FAM83B: variants seen among roughly 807,000 people sequenced by gnomAD.
FAM83B encodes the protein protein FAM83B.
Under a neutral mutation model 38.8 loss-of-function variants are expected in FAM83B, and 26 were observed. That is an observed-to-expected ratio of 0.67 (90% confidence interval 0.49 to 0.93). The LOEUF is 0.93. Among genes scored for constraint, FAM83B ranks in the 40% least tolerant of loss-of-function variants. The pLI, the probability that FAM83B is intolerant of heterozygous loss-of-function variation, is 0.00. For missense variants in FAM83B, 1,237 were observed against 1,197.3 expected, an observed-to-expected ratio of 1.03 and a Z score of -0.49; for synonymous variants, 419 against 423.1, an observed-to-expected ratio of 0.99 and a Z score of 0.12.
chr6:54,850,968 A>G (rs1242025405), intron 1 of FAM83B, among the ~76,000 whole-genome samples: 1 of 142,456 alleles, frequency 7.0e-6, no homozygotes, highest in Admixed American at 7.4e-5. Context: ...CAGTGAGCCC[A>G]GGTCGCGCCA....
intron 1 of FAM83B, among the ~76,000 whole-genome samples, chr6:54,849,794 G>A (rs1275146838): frequency 6.6e-6 from 1 of 151,798 alleles, no homozygotes; most frequent in African/African-American, 2.4e-5. Context: ...TTTCAGCTGT[G>A]TCTTAAATAA....
At chr6:54,913,564 C>T (rs1772964344) in intron 2 of FAM83B, among the ~76,000 whole-genome samples, 1 of 151,494 alleles carries the variant, frequency 6.6e-6, no homozygotes, top group Middle Eastern at 3.4e-3. Flanking sequence ...AAAGGAAATA[C>T]TGACAGGTGA....
In FAM83B at chr6:54,903,703, G is replaced by GT. The variant is rs1328877852; in HGVS notation, c.445-22661dup. ...TCGTCTTCATAAAATCATCTCAAGT[G>GT]TTTTTTTAACTCATTCTTTATTTTT... On this transcript the variant is annotated intron_variant, in intron 2 of 4. Transcript: ENST00000306858. 1.5e-4 allele frequency among the ~76,000 whole-genome samples: 22 copies of GT among 149,626 alleles called. No homozygotes were observed. In the East Asian group the frequency reaches 3.3e-3, roughly 22 times the overall value.
intron 2 of FAM83B, among the ~76,000 whole-genome samples, chr6:54,924,391 T>C (rs537461501): frequency 1.3e-5 from 2 of 151,670 alleles, no homozygotes; most frequent in South Asian, 2.1e-4. Flanking sequence ...CTCTGCTTCC[T>C]ATTGTAGCCA....
At chr6:54,862,242 C>T (rs1197536092) in intron 1 of FAM83B, among the ~76,000 whole-genome samples, 2 of 152,140 alleles carry the variant, frequency 1.3e-5, no homozygotes, top group Non-Finnish European at 2.9e-5. Flanking sequence ...CAGAAGGCCA[C>T]GGGTTTTGAG....
At chr6:54,921,872 G>A (rs1010455117) in intron 2 of FAM83B, among the ~76,000 whole-genome samples, 1 of 151,736 alleles carries the variant, frequency 6.6e-6, no homozygotes, top group African/African-American at 2.4e-5. Flanking sequence ...TTCTTTCCCA[G>A]GAATGTAACC....
At chr6:54,897,227 T>TAA (rs368282962) in intron 2 of FAM83B, among the ~76,000 whole-genome samples, 3 of 144,072 alleles carry the variant, frequency 2.1e-5, no homozygotes, top group Admixed American at 6.9e-5. Flanking sequence ...TGTTGTGATC[T>TAA]AAAAAAAAAA....
intron 2 of FAM83B, among the ~76,000 whole-genome samples, chr6:54,875,418 T>C (rs62412658): frequency 0.021 from 3,184 of 152,274 alleles, 45 homozygotes; most frequent in Middle Eastern, 0.061. Context: ...CTCTCTACCC[T>C]ATCCCTGTCC....
Position 54,927,639 on chromosome 6 carries a change from T to C in FAM83B, c.734+7T>C, listed in dbSNP as rs369120644. On this transcript the variant is annotated splice_region_variant and intron_variant, in intron 4 of 4. Transcript: ENST00000306858. ...TGATGTACGGTTCTTACAGGTAAGATCATTGTGTTTAACTTCAGTGTTATC... is the reference window on the plus strand; with the variant it reads ...TGATGTACGGTTCTTACAGGTAAGACCATTGTGTTTAACTTCAGTGTTATC... 6.4e-7 allele frequency: 1 copy of C among 1,572,682 alleles called. No homozygotes were observed. The highest frequency in any genetic ancestry group is 1.7e-5 in the Admixed American group (1 of 57,820).
rs141100648 is a variant in FAM83B at position 54,940,318 on chromosome 6, G to A, written c.1347G>A (p.Ala449=). ...TPAQSFANRL[A]QRKTTNLADR... ...CCCAGAGTTTTGCCAATCGGCTTGC[G>A]CAGAGAAAAACAACAAATCTTGCAG... The change falls in exon 5 of 5, where the codon GCG becomes GCA. Residue 449 remains alanine, a synonymous_variant. Transcript: ENST00000306858. 9.5e-5 allele frequency: 153 copies of A among 1,613,892 alleles called. No individual in the cohort carries two copies. Among genetic ancestry groups the A allele is most frequent in the Middle Eastern group, 1.6e-4 (1 of 6,084 alleles).
chr6:54,859,045 C>T (rs1049062715), intron 1 of FAM83B, among the ~76,000 whole-genome samples: 1 of 151,914 alleles, frequency 6.6e-6, no homozygotes, highest in Middle Eastern at 3.2e-3. Flanking sequence ...AATTCCTCCC[C>T]CGACACCGTG....
chr6:54,890,138 G>A (rs888562128), intron 2 of FAM83B, among the ~76,000 whole-genome samples: 1 of 151,982 alleles, frequency 6.6e-6, no homozygotes, highest in Non-Finnish European at 1.5e-5. Flanking sequence ...CATAGGTTTG[G>A]AAAATGTAAT....
chr6:54,854,272 C>T (rs1771386667), intron 1 of FAM83B, among the ~76,000 whole-genome samples: 2 of 152,144 alleles, frequency 1.3e-5, no homozygotes, highest in Non-Finnish European at 2.9e-5. Context: ...GTTGGTAAAA[C>T]AGCAGCAGGA....
At position 54,870,177 on chromosome 6, in the gene FAM83B, C is replaced by CAA; in HGVS notation, c.-60-8_-60-7dup. ...AACTTGATCTTGATTTTCTTCTTTT[C>CAA]AAATACCAGATACTTCTCACCACTG... On this transcript the variant is annotated splice_polypyrimidine_tract_variant and intron_variant, in intron 1 of 4. Coordinates refer to ENST00000306858, the MANE Select transcript of FAM83B (RefSeq NM_001010872.3). 8.5e-7 allele frequency: 1 copy of CAA among 1,182,856 alleles called. No individual in the cohort carries two copies. Among genetic ancestry groups the CAA allele is most frequent in the African/African-American group, 1.5e-5 (1 of 65,290 alleles). 73.3% of individuals were successfully genotyped at this position (1,182,856 alleles called of 1,614,324 possible).
chr6:54,853,570 CA>C (rs1771363719), intron 1 of FAM83B, among the ~76,000 whole-genome samples: 1 of 152,120 alleles, frequency 6.6e-6, no homozygotes, highest in Non-Finnish European at 1.5e-5. Flanking sequence ...CAACAAAGCT[CA>C]GATGAGAGCA....
chr6:54,885,805 C>T (rs190053395), intron 2 of FAM83B, among the ~76,000 whole-genome samples: 1 of 109,626 alleles, frequency 9.1e-6, no homozygotes, highest in Admixed American at 1.2e-4. Context: ...CATCACACAC[C>T]GGGGACTGTT....
intron 2 of FAM83B, among the ~76,000 whole-genome samples, chr6:54,871,745 CAAAAAAAAAAA>C (rs34323872): frequency 3.4e-5 from 1 of 29,028 alleles, no homozygotes; most frequent in African/African-American, 1.4e-4. Flanking sequence ...CCTGTCTCAC[CAAAAAAAAAAA>C]AAAAAAAAAA....
chr6:54,883,332 G>GTTTTTTTTTTTTTTTTTTTTTTTTTAT (rs36040247), intron 2 of FAM83B, among the ~76,000 whole-genome samples: 1 of 90,482 alleles, frequency 1.1e-5, no homozygotes, highest in Non-Finnish European at 2.0e-5. Context: ...TTTTTTTTAA[G>GTTTTTTTTTTTTTTTTTTTTTTTTTAT]TTTTTTTTTT....
intron 2 of FAM83B, among the ~76,000 whole-genome samples, chr6:54,889,389 T>C (rs750887363): frequency 6.6e-6 from 1 of 152,082 alleles, no homozygotes; most frequent in Non-Finnish European, 1.5e-5. Flanking sequence ...ATTATCCCAA[T>C]GAAGTGTTGT....
Sources: allele counts gnomAD v4.1 joint callset (sites outside exome capture counted in the v4.1 genomes callset), GRCh38; gene constraint gnomAD v4.1.1; transcripts MANE v1.5; gene names NCBI Gene and HGNC (gene_info 2026-07-23, HGNC 2026-07-21).